SMIM10L3: variants seen among roughly 807,000 people sequenced by gnomAD.
SMIM10L3 encodes small integral membrane protein 10 like 3.
chr7:6,331,231 T>A, the SMIM10L3 span: 1 of 1,412,562 alleles, frequency 7.1e-7, no homozygotes, highest in Non-Finnish European at 9.6e-7. Context: ...GATCTCAATA[T>A]GAACCTAGGA....
At chr7:6,334,726 A>C in the SMIM10L3 span, among the ~76,000 whole-genome samples, 391 of 152,150 alleles carry the variant, frequency 2.6e-3, no homozygotes, top group African/African-American at 8.7e-3. Flanking sequence ...TTGGCCTCCC[A>C]AAGTGCTAGG....
the SMIM10L3 span, among the ~76,000 whole-genome samples, chr7:6,337,129 T>C: frequency 6.6e-6 from 1 of 151,752 alleles, no homozygotes; most frequent in African/African-American, 2.4e-5. Context: ...TGGAGTGCAG[T>C]GGCGCAATCT....
chr7:6,344,354 C>A, the SMIM10L3 span, among the ~76,000 whole-genome samples: 1 of 152,114 alleles, frequency 6.6e-6, no homozygotes, highest in Non-Finnish European at 1.5e-5. Context: ...ACAGACACCC[C>A]ACTCCCCACC....
At chr7:6,344,583 T>G in the SMIM10L3 span, among the ~76,000 whole-genome samples, 2 of 151,962 alleles carry the variant, frequency 1.3e-5, no homozygotes, top group East Asian at 1.9e-4. Context: ...CACGCCCAGC[T>G]AATTTTTGTA....
At chr7:6,348,601 G>C in the SMIM10L3 span, 1 of 456,122 alleles carries the variant, frequency 2.2e-6, no homozygotes, top group Non-Finnish European at 3.9e-6. Context: ...CATCATGGAA[G>C]CCACGATGTA....
At chr7:6,337,279 C>T in the SMIM10L3 span, among the ~76,000 whole-genome samples, 3 of 152,026 alleles carry the variant, frequency 2.0e-5, no homozygotes, top group Non-Finnish European at 2.9e-5. Context: ...CTAGCCTTGC[C>T]AGCCCATTAA....
At chr7:6,334,145 C>G in the SMIM10L3 span, among the ~76,000 whole-genome samples, 3 of 151,726 alleles carry the variant, frequency 2.0e-5, no homozygotes, top group African/African-American at 4.8e-5. Flanking sequence ...CGCACCCAGC[C>G]GAACTCCTGG....
chr7:6,337,826 C>T, the SMIM10L3 span, among the ~76,000 whole-genome samples: 15 of 143,288 alleles, frequency 1.0e-4, no homozygotes, highest in South Asian at 3.0e-3. Flanking sequence ...TATTTTGAGA[C>T]AGAGTCTTGC....
At chr7:6,332,701 A>G in the SMIM10L3 span, among the ~76,000 whole-genome samples, 145 of 152,238 alleles carry the variant, frequency 9.5e-4, 1 homozygote, top group Non-Finnish European at 1.8e-3. Context: ...CCCTGTCTCA[A>G]AAAATAAAAA....
At chr7:6,342,573 G>T in the SMIM10L3 span, among the ~76,000 whole-genome samples, 1 of 152,030 alleles carries the variant, frequency 6.6e-6, no homozygotes, top group African/African-American at 2.4e-5. Flanking sequence ...ATGGTTAGAG[G>T]AGTTACATAT....
the SMIM10L3 span, chr7:6,330,155 C>CT: frequency 3.6e-6 from 2 of 560,070 alleles, no homozygotes; most frequent in East Asian, 6.4e-5. Context: ...TTTCCCAATT[C>CT]TTTATATGTC....
the SMIM10L3 span, chr7:6,342,058 C>G: frequency 4.7e-4 from 72 of 152,186 alleles, 3 homozygotes; most frequent in African/African-American, 1.7e-3. Context: ...TTTTCTGCCA[C>G]ACATTCAATG....
At chr7:6,331,374 GCTGGTTTTGAA>G in the SMIM10L3 span, 2 of 606,192 alleles carry the variant, frequency 3.3e-6, no homozygotes, top group Admixed American at 3.2e-5. Flanking sequence ...TATTGGTAAG[GCTGGTTTTGAA>G]CTCCTGACCT....
chr7:6,348,932 C>T, the SMIM10L3 span: 1 of 382,842 alleles, frequency 2.6e-6, no homozygotes, highest in Non-Finnish European at 4.6e-6. Context: ...AGTGCCTCCG[C>T]GAGCAGCCGC....
chr7:6,330,873 TG>T, the SMIM10L3 span: 1 of 1,614,196 alleles, frequency 6.2e-7, no homozygotes, highest in Non-Finnish European at 8.5e-7. Flanking sequence ...CTGCTGAGGC[TG>T]GATTTCTTCT....
the SMIM10L3 span, among the ~76,000 whole-genome samples, chr7:6,333,672 T>C: frequency 6.6e-6 from 1 of 151,330 alleles, no homozygotes; most frequent in Non-Finnish European, 1.5e-5. Context: ...CAAATTTTTT[T>C]TTTTTCAGAG....
chr7:6,344,926 A>C, the SMIM10L3 span, among the ~76,000 whole-genome samples: 1 of 151,362 alleles, frequency 6.6e-6, no homozygotes, highest in Non-Finnish European at 1.5e-5. Flanking sequence ...ATTTTAGTAG[A>C]GATGGGGTTT....
the SMIM10L3 span, chr7:6,331,034 C>T: frequency 6.2e-7 from 1 of 1,614,022 alleles, no homozygotes; most frequent in South Asian, 1.1e-5. Context: ...GGTGCATCTG[C>T]AGGCCAAGGG....
chr7:6,347,702 G>C, the SMIM10L3 span, among the ~76,000 whole-genome samples: 8 of 151,774 alleles, frequency 5.3e-5, no homozygotes, highest in East Asian at 1.9e-4. Context: ...GCCAAAATAC[G>C]GTACATTTAT....
Sources: gnomAD v4.1 joint callset for allele counts (sites outside exome capture counted in the v4.1 genomes callset) on GRCh38, gnomAD v4.1.1 for gene constraint, MANE v1.5 for transcripts, NCBI Gene and HGNC (gene_info 2026-07-23, HGNC 2026-07-21) for gene names.